The following CNIH3 variants were observed in gnomAD, a reference collection of about 807,000 sequenced individuals.
The protein encoded by CNIH3 is protein cornichon homolog 3.
CNIH3 carries 14 observed loss-of-function variants against 24.1 expected under a neutral mutation model. That is an observed-to-expected ratio of 0.58 (90% confidence interval 0.38 to 0.91). The LOEUF is 0.91. Among genes scored for constraint, CNIH3 ranks in the 40% least tolerant of loss-of-function variants. The probability of loss-of-function intolerance (pLI) is 0.00; values close to 1 mark genes in which losing one functional copy is unlikely to be tolerated. For missense variants in CNIH3, 178 were observed against 196.8 expected (o/e 0.90, Z 0.57); for synonymous variants, 68 against 73.8 (o/e 0.92, Z 0.40).
At chr1:224,484,771 G>A (rs113236912) in intron 1 of CNIH3, among the ~76,000 whole-genome samples, 259 of 152,144 alleles carry the variant, frequency 1.7e-3, no homozygotes, top group African/African-American at 5.7e-3. Flanking sequence ...CTACTTTGCC[G>A]TTAATCCCAG....
chr1:224,627,834 G>A (rs1000929608), intron 1 of CNIH3, among the ~76,000 whole-genome samples: 1 of 152,144 alleles, frequency 6.6e-6, no homozygotes, highest in Non-Finnish European at 1.5e-5. Context: ...CCACTGCCAC[G>A]ATGGGCCTTG....
intron 1 of CNIH3, chr1:224,454,457 C>G: frequency 2.6e-6 from 1 of 383,422 alleles, no homozygotes; most frequent in Non-Finnish European, 3.6e-6. Flanking sequence ...AGTCTGTTTA[C>G]ATTTCTGGTC....
At position 224,610,789 on chromosome 1, in the gene CNIH3, A is replaced by G. The variant is rs1442262430; in HGVS notation, n.402+44525A>G. Reference sequence around the variant, plus strand: ...AGAATAGGTCAGGAAAACATGGAACATTCAGACTTACTTACAAGCAGAGAA... The same window carrying G: ...AGAATAGGTCAGGAAAACATGGAACGTTCAGACTTACTTACAAGCAGAGAA... On this transcript the variant is annotated intron_variant and non_coding_transcript_variant, in intron 3 of 7. Coordinates refer to the CNIH3 transcript ENST00000478120. Among the ~76,000 whole-genome samples the G allele has an allele frequency of 1.2e-4, 19 of 152,364 alleles. No homozygotes were observed. In the East Asian group the frequency reaches 3.5e-3, roughly 28 times the overall value.
At chr1:224,564,735 A>G (rs1178528954) in intron 3 of CNIH3, among the ~76,000 whole-genome samples, 3 of 152,172 alleles carry the variant, frequency 2.0e-5, no homozygotes, top group African/African-American at 7.2e-5. Flanking sequence ...ACCTCAATGC[A>G]CTCTGCCAGC....
chr1:224,734,478 C>A, intron 4 of CNIH3, 85 bp from the exon 5 acceptor site: 1 of 1,413,920 alleles, frequency 7.1e-7, no homozygotes, highest in Non-Finnish European at 9.9e-7. Context: ...GATTGCTCGA[C>A]AGAAGCCCTG....
chr1:224,704,850 C>T lies in CNIH3; in HGVS notation c.198+20007C>T, dbSNP rs571738232. Among the ~76,000 whole-genome samples, 145 of 152,250 alleles carry T rather than the reference C, an allele frequency of 9.5e-4. No homozygotes were observed. Among genetic ancestry groups the T allele is most frequent in the Non-Finnish European group, 1.7e-3 (117 of 68,014 alleles). On this transcript the variant is annotated intron_variant, in intron 3 of 5. Transcript: ENST00000272133. The surrounding 1 kb of genome is among the most constrained non-coding windows in gnomAD (Gnocchi z 4.2). ...TTGCACCAGGCACAGTGGCTCATGC[C>T]TGTAATCCCAGCACTTTGGGAGACT... is the stretch of plus-strand genomic sequence containing the variant.
chr1:224,571,615 C>T (rs1357488202), intron 4 of CNIH3, among the ~76,000 whole-genome samples: 1 of 152,130 alleles, frequency 6.6e-6, no homozygotes, highest in Non-Finnish European at 1.5e-5. Context: ...ATCCCAGCTA[C>T]TCGGGAGGCT....
intron 1 of CNIH3, chr1:224,459,216 T>C (rs1675805025): frequency 1.0e-6 from 1 of 979,840 alleles, no homozygotes; most frequent in Non-Finnish European, 1.2e-6. Flanking sequence ...TCAGCAGACA[T>C]CATGTGACCT....
At chr1:224,613,579 C>T (rs1313199579), upstream of CNIH3, among the ~76,000 whole-genome samples, 2 of 152,120 alleles carry the variant, frequency 1.3e-5, no homozygotes, top group Non-Finnish European at 2.9e-5. Flanking sequence ...GGAGGTGGGG[C>T]CTGGTGGGAG....
downstream of CNIH3, among the ~76,000 whole-genome samples, chr1:224,542,199 C>T (rs900041424): frequency 2.6e-5 from 4 of 152,342 alleles, no homozygotes; most frequent in South Asian, 8.3e-4. Context: ...TGTTTTCCTT[C>T]TTAAAATTCA....
chr1:224,709,445 A>G (rs1361006845), intron 3 of CNIH3, among the ~76,000 whole-genome samples: 2 of 152,238 alleles, frequency 1.3e-5, no homozygotes, highest in Non-Finnish European at 2.9e-5. Flanking sequence ...ATGAGAGCCG[A>G]AGAACCATGT....
At chr1:224,721,119 G>C (rs1224035020) in intron 3 of CNIH3, among the ~76,000 whole-genome samples, 1 of 152,070 alleles carries the variant, frequency 6.6e-6, no homozygotes, top group Non-Finnish European at 1.5e-5. Context: ...TTCCGTGTTT[G>C]TTGTTCATAG....
chr1:224,443,853 C>T (rs949670492), intron 1 of CNIH3, among the ~76,000 whole-genome samples: 3 of 152,070 alleles, frequency 2.0e-5, no homozygotes, highest in East Asian at 1.9e-4. Flanking sequence ...GTCCCTATAG[C>T]CTAGGGATTC....
At chr1:224,696,538 A>G (rs949885953) in intron 3 of CNIH3, among the ~76,000 whole-genome samples, 1 of 152,222 alleles carries the variant, frequency 6.6e-6, no homozygotes, top group African/African-American at 2.4e-5. Flanking sequence ...AACTAAGGGC[A>G]GGAATGTGAG....
chr1:224,730,344 A>C (rs1689257864), intron 3 of CNIH3, 118 bp from the exon 4 acceptor site: 1 of 650,866 alleles, frequency 1.5e-6, no homozygotes, highest in Admixed American at 2.4e-5. Context: ...TGCTGCAGGG[A>C]GGGCCTTTGT....
intron 1 of CNIH3, among the ~76,000 whole-genome samples, chr1:224,475,143 T>C (rs1160040689): frequency 6.9e-6 from 1 of 144,530 alleles, no homozygotes; most frequent in African/African-American, 2.6e-5. Context: ...CGGATCACGG[T>C]CAGGAGATCA....
intron 4 of CNIH3, among the ~76,000 whole-genome samples, chr1:224,571,690 A>C (rs1246873826): frequency 1.2e-4 from 18 of 152,194 alleles, no homozygotes; most frequent in Admixed American, 1.2e-3. Flanking sequence ...GCACCACTGC[A>C]TTCCAGCCTT....
At chr1:224,445,105 ATTGTAGTTTTAAT>A (rs1336468122) in intron 1 of CNIH3, among the ~76,000 whole-genome samples, 1 of 152,088 alleles carries the variant, frequency 6.6e-6, no homozygotes, top group African/African-American at 2.4e-5. Context: ...GTAGTATCTT[ATTGTAGTTTTAAT>A]TTGCATTTCT....
chr1:224,739,219 G>A (rs1226018179), intron 5 of CNIH3, 110 bp from the exon 6 acceptor site: 1 of 1,508,720 alleles, frequency 6.6e-7, no homozygotes, highest in African/African-American at 1.4e-5. Flanking sequence ...AGAAGCCAAG[G>A]GGTCTGGCCT....
Sources: allele counts gnomAD v4.1 joint callset (sites outside exome capture counted in the v4.1 genomes callset), GRCh38; gene constraint gnomAD v4.1.1; non-coding constraint Gnocchi (gnomAD v3.1); transcripts MANE v1.5; gene names NCBI Gene and HGNC (gene_info 2026-07-23, HGNC 2026-07-21).